ANKS1A: variants seen among roughly 807,000 people sequenced by gnomAD.
ANKS1A encodes the protein ankyrin repeat and sterile alpha motif domain containing 1A.
In ANKS1A, 55 loss-of-function variants were observed where a neutral mutation model predicts 120.3. The observed-to-expected ratio is 0.46, with a 90% CI of 0.37 to 0.57. The LOEUF (loss-of-function observed/expected upper bound fraction) is 0.57, where lower values mean the gene tolerates loss of function less well. Ranked by LOEUF, ANKS1A falls within the 20% of genes least tolerant of loss-of-function variation. The pLI, the probability that ANKS1A is intolerant of heterozygous loss-of-function variation, is 0.00. For missense variants in ANKS1A, 1,123 were observed against 1,480.3 expected, an observed-to-expected ratio of 0.76 and a Z score of 3.96; for synonymous variants, 590 against 604.7, an observed-to-expected ratio of 0.98 and a Z score of 0.36.
At chr6:35,063,323 A>C (rs1171463169) in intron 13 of ANKS1A, among the ~76,000 whole-genome samples, 2 of 152,242 alleles carry the variant, frequency 1.3e-5, no homozygotes, top group African/African-American at 2.4e-5. Flanking sequence ...GAGGAAATGC[A>C]TTTAATCAGC....
intron 13 of ANKS1A, chr6:35,071,098 A>T (rs1777064748): frequency 3.0e-6 from 1 of 333,396 alleles, no homozygotes; most frequent in Admixed American, 4.0e-5. Context: ...AACTCTTTCA[A>T]CTAGTTGCCA....
At chr6:35,008,273 G>A (rs1471496671) in intron 10 of ANKS1A, among the ~76,000 whole-genome samples, 1 of 152,060 alleles carries the variant, frequency 6.6e-6, no homozygotes, top group East Asian at 1.9e-4. Context: ...GGGCACAGTG[G>A]CACAGTCATA....
intron 11 of ANKS1A, among the ~76,000 whole-genome samples, chr6:35,029,308 A>G (rs1353898612): frequency 7.6e-6 from 1 of 131,136 alleles, no homozygotes; most frequent in Non-Finnish European, 1.6e-5. Context: ...GAAATTTAGA[A>G]TTTTTATGTA....
intron 11 of ANKS1A, among the ~76,000 whole-genome samples, chr6:35,051,777 G>A (rs1775983302): frequency 6.6e-6 from 1 of 152,178 alleles, no homozygotes; most frequent in Non-Finnish European, 1.5e-5. Flanking sequence ...TGTATCTTTT[G>A]AATTTTGAAT....
chr6:35,015,920 G>C (rs528371671), intron 10 of ANKS1A, among the ~76,000 whole-genome samples: 2 of 152,336 alleles, frequency 1.3e-5, no homozygotes, highest in East Asian at 3.9e-4. Context: ...ACCTCAAGAA[G>C]GGGCTTTGGG....
intron 11 of ANKS1A, among the ~76,000 whole-genome samples, chr6:35,031,002 T>C (rs1774880792): frequency 4.6e-5 from 7 of 152,210 alleles, no homozygotes. Flanking sequence ...CACCTGATAA[T>C]GCTTCATCAA....
intron 1 of ANKS1A, among the ~76,000 whole-genome samples, chr6:34,909,832 A>T (rs542587320): frequency 4.6e-5 from 7 of 152,242 alleles, no homozygotes; most frequent in African/African-American, 1.7e-4. Flanking sequence ...AGAAGGGGAA[A>T]AGCGAGAGTT....
chr6:35,060,185 G>A lies in ANKS1A; in HGVS notation c.2116G>A (p.Glu706Lys), dbSNP rs200964525. ...TLEQSVGEWLESIGLQQYESK... is the reference protein window; with the variant it reads ...TLEQSVGEWLKSIGLQQYESK... The stretch of plus-strand genomic sequence containing the variant: ...GGAGCAGAGTGTCGGGGAGTGGCTG[G>A]AGTCGATTGGGCTGCAGCAGTATGA... The change falls in exon 13 of 24, where the codon GAG (glutamate) becomes AAG (lysine). Residue 706 changes from glutamate (E) to lysine (K), a missense_variant. Physicochemically the swap from Glu to Lys is moderately conservative, Grantham distance 56. Coordinates refer to ENST00000360359, the MANE Select transcript of ANKS1A (RefSeq NM_015245.3). This position sits in a 1 kb window ranked among gnomAD's most constrained non-coding sequence, Gnocchi z 4.5. 9.9e-6 allele frequency: 16 copies of A among 1,613,340 alleles called. No individual in the cohort carries two copies. The East Asian group carries it at 2.7e-4, about 27-fold the overall frequency.
At chr6:35,018,166 C>T in intron 11 of ANKS1A, 107 bp downstream of exon 11, 1 of 1,133,676 alleles carries the variant, frequency 8.8e-7, no homozygotes, top group Non-Finnish European at 1.3e-6. Context: ...GGCAAGGTTG[C>T]TCTGGTTCCT....
chr6:34,914,025 C>G (rs1768032959), intron 1 of ANKS1A, among the ~76,000 whole-genome samples: 1 of 152,190 alleles, frequency 6.6e-6, no homozygotes, highest in South Asian at 2.1e-4. Context: ...TCATGTCATT[C>G]TCCCGCCTCA....
At chr6:34,958,180 G>A (rs942819441) in intron 1 of ANKS1A, among the ~76,000 whole-genome samples, 2 of 151,878 alleles carry the variant, frequency 1.3e-5, no homozygotes, top group African/African-American at 4.8e-5. Context: ...ACTCCCTCCC[G>A]CTCCCTTCTC....
chr6:34,953,243 G>T (rs1394531992), intron 1 of ANKS1A, among the ~76,000 whole-genome samples: 1 of 152,200 alleles, frequency 6.6e-6, no homozygotes, highest in East Asian at 1.9e-4. Context: ...AATGAAAAAT[G>T]CAGAGCTCTA....
At position 34,953,274 on chromosome 6, in the gene ANKS1A, A is replaced by G. The variant is rs182900765; in HGVS notation, c.198-13965A>G. 1.9e-3 allele frequency among the ~76,000 whole-genome samples: 282 copies of G among 152,332 alleles called. 1 individual carries two copies. The highest frequency in any genetic ancestry group is 6.4e-3 in the African/African-American group (266 of 41,578). ...CTCTAAACTGAGATTGTTTTAATGA[A>G]GGCAAAGTACAAGGAGTTCTACAGG... On this transcript the variant is annotated intron_variant, in intron 1 of 23. Coordinates refer to ENST00000360359, the MANE Select transcript of ANKS1A (RefSeq NM_015245.3).
At chr6:35,054,228 G>A (rs1776098558) in intron 12 of ANKS1A, 63 bp downstream of exon 12, 1 of 1,503,734 alleles carries the variant, frequency 6.7e-7, no homozygotes, top group Admixed American at 1.7e-5. Context: ...TCTGGCTCAG[G>A]CTTTCCTCTA....
At chr6:35,019,826 G>A (rs1373380217) in intron 11 of ANKS1A, among the ~76,000 whole-genome samples, 1 of 152,096 alleles carries the variant, frequency 6.6e-6, no homozygotes, top group Non-Finnish European at 1.5e-5. Context: ...CTCTTACCCA[G>A]GTCTGAGATT....
At chr6:35,073,262 A>G (rs1408926217) in intron 13 of ANKS1A, among the ~76,000 whole-genome samples, 2 of 152,186 alleles carry the variant, frequency 1.3e-5, no homozygotes, top group African/African-American at 4.8e-5. Flanking sequence ...CCCAGAGCTC[A>G]GTGACCCAGG....
rs1776443907 is a variant in ANKS1A, at chr6:35,060,523, C to T, written c.2184+270C>T. On this transcript the variant is annotated intron_variant, in intron 13 of 23. Coordinates refer to ENST00000360359, the MANE Select transcript of ANKS1A (RefSeq NM_015245.3). The surrounding 1 kb of genome is among the most constrained non-coding windows in gnomAD (Gnocchi z 4.5). ...AAGAAGGAGGGTCCCTGATTCAGCC[C>T]TGTGTCCCCTCCCTGGCTGTGTATC... 6.6e-6 allele frequency among the ~76,000 whole-genome samples: 1 copy of T among 152,198 alleles called. No individual in the cohort carries two copies. Among genetic ancestry groups the T allele is most frequent in the South Asian group, 2.1e-4 (1 of 4,830 alleles).
At chr6:34,970,309 G>C (rs1771115477) in intron 3 of ANKS1A, 143 bp downstream of exon 3, 3 of 934,928 alleles carry the variant, frequency 3.2e-6, no homozygotes, top group Non-Finnish European at 4.6e-6. Flanking sequence ...CCTTAGCATG[G>C]AACCACCTCT....
chr6:34,931,705 A>G (rs979861024), intron 1 of ANKS1A, among the ~76,000 whole-genome samples: 2 of 152,028 alleles, frequency 1.3e-5, no homozygotes, highest in African/African-American at 2.4e-5. Context: ...AGGAAGCCCA[A>G]TTTGTGTAGC....
Sources: allele counts gnomAD v4.1 joint callset (sites outside exome capture counted in the v4.1 genomes callset), GRCh38; gene constraint gnomAD v4.1.1; non-coding constraint Gnocchi (gnomAD v3.1); transcripts MANE v1.5; gene names NCBI Gene and HGNC (gene_info 2026-07-23, HGNC 2026-07-21).